The following ANXA8 variants were observed in gnomAD, a reference collection of about 807,000 sequenced individuals.
ANXA8 encodes annexin A8, also known as VAC-beta.
A neutral mutation model predicts 26.8 loss-of-function variants in ANXA8; 9 were observed. The observed-to-expected ratio is 0.34, with a 90% CI of 0.20 to 0.59. The LOEUF is 0.59. Ranked by LOEUF, ANXA8 falls within the 20% of genes least tolerant of loss-of-function variation. The pLI is 0.84. For missense variants in ANXA8, 83 were observed against 238.5 expected (o/e 0.35, Z 4.29); for synonymous variants, 39 against 94.8 (o/e 0.41, Z 3.42).
At chr10:47,743,289 T>C in the ANXA8 span, among the ~76,000 whole-genome samples, 1 of 72,892 alleles carries the variant, frequency 1.4e-5, no homozygotes, top group Non-Finnish European at 2.6e-5. Context: ...CACACATATA[T>C]ATATACACAT....
At chr10:47,484,985 G>A (rs1404551161), upstream of ANXA8, among the ~76,000 whole-genome samples, 11 of 147,852 alleles carry the variant, frequency 7.4e-5, no homozygotes, top group East Asian at 4.5e-4. Context: ...TCCTGGAGCC[G>A]CTGCAAACCT....
At chr10:47,932,820 G>A in the ANXA8 span, among the ~76,000 whole-genome samples, 1 of 66,042 alleles carries the variant, frequency 1.5e-5, no homozygotes, top group East Asian at 2.8e-4. Flanking sequence ...GCCCTCATGA[G>A]GAAACAAGCA....
At chr10:47,959,068 G>A in the ANXA8 span, among the ~76,000 whole-genome samples, 1 of 149,104 alleles carries the variant, frequency 6.7e-6, no homozygotes, top group Non-Finnish European at 1.5e-5. Flanking sequence ...GAAGTGGCCA[G>A]TGGAAGCAGT....
the ANXA8 span, among the ~76,000 whole-genome samples, chr10:47,739,054 A>C: frequency 2.0e-5 from 3 of 147,658 alleles, no homozygotes; most frequent in Non-Finnish European, 3.0e-5. Context: ...CACTAAAGGG[A>C]CTTGGAATGG....
the ANXA8 span, among the ~76,000 whole-genome samples, chr10:47,684,348 C>A: frequency 6.6e-6 from 1 of 151,364 alleles, no homozygotes; most frequent in Admixed American, 6.6e-5. Context: ...GTAGCAGTAG[C>A]CTTTGATATA....
At chr10:47,609,352 T>C in the ANXA8 span, among the ~76,000 whole-genome samples, 1 of 140,310 alleles carries the variant, frequency 7.1e-6, no homozygotes, top group Non-Finnish European at 1.5e-5. Flanking sequence ...CTAGTATAAA[T>C]GTCCTTAGGC....
chr10:47,627,595 T>C, the ANXA8 span, among the ~76,000 whole-genome samples: 2 of 150,044 alleles, frequency 1.3e-5, no homozygotes, highest in South Asian at 2.1e-4. Flanking sequence ...CTCATACTCT[T>C]GTAACAGTCT....
the ANXA8 span, chr10:47,564,871 C>T: frequency 7.7e-7 from 1 of 1,291,696 alleles, no homozygotes; most frequent in Non-Finnish European, 1.1e-6. Flanking sequence ...ACTTCATCTA[C>T]CAGAGCCACT....
the ANXA8 span, among the ~76,000 whole-genome samples, chr10:47,651,357 A>G: frequency 6.6e-6 from 1 of 151,698 alleles, no homozygotes; most frequent in Non-Finnish European, 1.5e-5. Context: ...GAACCCTATA[A>G]GGGTTCCTTA....
chr10:47,476,378 C>T (rs1290924687), intron 4 of ANXA8, 56 bp from the exon 5 acceptor site: 2 of 447,570 alleles, frequency 4.5e-6, no homozygotes, highest in African/African-American at 5.4e-5. Context: ...TCTGCTCTGT[C>T]CACACCTTCT....
At chr10:47,607,526 G>A in the ANXA8 span, among the ~76,000 whole-genome samples, 2 of 146,154 alleles carry the variant, frequency 1.4e-5, no homozygotes, top group Non-Finnish European at 3.0e-5. Context: ...GCATAACATT[G>A]TACAATCATC....
At chr10:47,976,761 T>C in the ANXA8 span, among the ~76,000 whole-genome samples, 3 of 147,650 alleles carry the variant, frequency 2.0e-5, no homozygotes, top group Admixed American at 6.9e-5. Context: ...GTTTGGAGCT[T>C]AGTCTGTGTG....
chr10:47,590,814 A>G, the ANXA8 span, among the ~76,000 whole-genome samples: 2 of 135,626 alleles, frequency 1.5e-5, no homozygotes, highest in Admixed American at 1.4e-4. Flanking sequence ...TCACACCATC[A>G]TGTCTCATCT....
chr10:47,469,323 G>A (rs1163809574), intron 11 of ANXA8, among the ~76,000 whole-genome samples: 14 of 152,026 alleles, frequency 9.2e-5, no homozygotes, highest in South Asian at 2.1e-4. Flanking sequence ...ACACCTGGGG[G>A]CAGGGCCGGG....
chr10:47,701,719 G>A, the ANXA8 span, among the ~76,000 whole-genome samples: 2 of 151,856 alleles, frequency 1.3e-5, no homozygotes, highest in Non-Finnish European at 1.5e-5. Context: ...TAAAGAGATT[G>A]GTCACCTACA....
At chr10:47,660,363 C>G in the ANXA8 span, among the ~76,000 whole-genome samples, 1 of 150,610 alleles carries the variant, frequency 6.6e-6, no homozygotes, top group African/African-American at 2.5e-5. Flanking sequence ...TGCCTGTAAT[C>G]AGGTTCAGCA....
At chr10:47,734,269 AG>A in the ANXA8 span, among the ~76,000 whole-genome samples, 1 of 142,070 alleles carries the variant, frequency 7.0e-6, no homozygotes, top group South Asian at 2.2e-4. Context: ...TACACTTGCC[AG>A]GAACAGTAGC....
the ANXA8 span, among the ~76,000 whole-genome samples, chr10:47,776,170 T>A: frequency 6.6e-6 from 1 of 151,636 alleles, no homozygotes; most frequent in Non-Finnish European, 1.5e-5. Context: ...GTCTCGCCTA[T>A]TCCTGAGGAC....
the ANXA8 span, among the ~76,000 whole-genome samples, chr10:47,957,829 T>C: frequency 1.3e-5 from 2 of 149,542 alleles, no homozygotes; most frequent in Admixed American, 1.3e-4. Context: ...TCTCCTTTTC[T>C]GTCTCTTACA....
Sources: gnomAD v4.1 joint callset for allele counts (sites outside exome capture counted in the v4.1 genomes callset) on GRCh38, gnomAD v4.1.1 for gene constraint, MANE v1.5 for transcripts, NCBI Gene and HGNC (gene_info 2026-07-23, HGNC 2026-07-21) for gene names.